RALB: variants seen among roughly 807,000 people sequenced by gnomAD.
RALB encodes ras-related protein Ral-B.
RALB carries 16 observed loss-of-function variants against 21.3 expected under a neutral mutation model. The ratio of observed to expected loss-of-function variants is 0.75; its 90% CI spans 0.51 to 1.14. RALB has a LOEUF of 1.14. Ranked by LOEUF, RALB falls within the 50% of genes most tolerant of loss-of-function variation. The pLI, the probability that RALB is intolerant of heterozygous loss-of-function variation, is 0.00. For missense variants in RALB, 161 were observed against 256.2 expected (o/e 0.63, Z 2.54); for synonymous variants, 93 against 96.1 (o/e 0.97, Z 0.19).
At chr2:120,283,143 T>G (rs78718757) in intron 2 of RALB, among the ~76,000 whole-genome samples, 12,127 of 152,296 alleles carry the variant, frequency 0.08, 646 homozygotes, top group Non-Finnish European at 0.12. Context: ...AGAGATCATC[T>G]AGTCAGGAAA....
upstream of RALB, among the ~76,000 whole-genome samples, chr2:120,251,975 GAATT>G (rs1689065452): frequency 6.6e-6 from 1 of 152,160 alleles, no homozygotes; most frequent in South Asian, 2.1e-4. Context: ...AACAATGAAA[GAATT>G]AATTACACTG....
intron 1 of RALB, among the ~76,000 whole-genome samples, chr2:120,247,149 C>A (rs371328080): frequency 6.6e-6 from 1 of 151,886 alleles, no homozygotes; most frequent in Non-Finnish European, 1.5e-5. Flanking sequence ...CATGCGTCTG[C>A]GGGAAGAGGG....
At chr2:120,259,970 C>T (rs1160467718) in intron 1 of RALB, among the ~76,000 whole-genome samples, 3 of 152,242 alleles carry the variant, frequency 2.0e-5, no homozygotes, top group South Asian at 2.1e-4. Flanking sequence ...GGACTCAGTA[C>T]ACCCTCCGCA....
chr2:120,261,688 G>A (rs1689371192), intron 1 of RALB, among the ~76,000 whole-genome samples: 1 of 152,208 alleles, frequency 6.6e-6, no homozygotes, highest in Admixed American at 6.5e-5. Flanking sequence ...GGGGAAGGGA[G>A]CAGGGAGATG....
chr2:120,286,309 A>C (rs1439738546), intron 3 of RALB, among the ~76,000 whole-genome samples: 1 of 152,194 alleles, frequency 6.6e-6, no homozygotes, highest in Non-Finnish European at 1.5e-5. Flanking sequence ...TTTCTGAATA[A>C]AATAATTTTA....
chr2:120,264,991 A>G (rs1339060729), intron 1 of RALB, among the ~76,000 whole-genome samples: 7 of 152,306 alleles, frequency 4.6e-5, no homozygotes. Context: ...TTATCTGTTT[A>G]TCTATTGATG....
At chr2:120,260,033 T>C (rs954104505) in intron 1 of RALB, among the ~76,000 whole-genome samples, 12 of 152,326 alleles carry the variant, frequency 7.9e-5, no homozygotes, top group African/African-American at 2.4e-4. Context: ...CAGGGCTGGC[T>C]GGCTGCTCCG....
chr2:120,255,311 G>T (rs960767857), intron 1 of RALB, among the ~76,000 whole-genome samples: 1 of 151,752 alleles, frequency 6.6e-6, no homozygotes, highest in Admixed American at 6.6e-5. Context: ...GAATGTTATC[G>T]CAAAGAGAGC....
upstream of RALB, among the ~76,000 whole-genome samples, chr2:120,252,600 G>A (rs1689077975): frequency 1.3e-5 from 2 of 152,208 alleles, no homozygotes; most frequent in South Asian, 2.1e-4. Context: ...TACCAGCTGC[G>A]TGTCCGAGGG....
chr2:120,284,545 T>C (rs927759908), intron 2 of RALB, among the ~76,000 whole-genome samples: 1 of 152,192 alleles, frequency 6.6e-6, no homozygotes, highest in Admixed American at 6.5e-5. Context: ...ATTACAGGTG[T>C]GCACCACCAT....
chr2:120,241,748 CA>C (rs1395797199), intron 1 of RALB, among the ~76,000 whole-genome samples: 1 of 151,820 alleles, frequency 6.6e-6, no homozygotes, highest in Non-Finnish European at 1.5e-5. Flanking sequence ...AAAAACAAAA[CA>C]AAACAAAAAA....
upstream of RALB, among the ~76,000 whole-genome samples, chr2:120,249,363 A>G (rs997894465): frequency 6.6e-5 from 10 of 152,296 alleles, no homozygotes; most frequent in Admixed American, 6.5e-4. Flanking sequence ...GCTATAAAGA[A>G]ATACCTGAGA....
chr2:120,286,152 TGA>T, intron 3 of RALB, 70 bp downstream of exon 3: 1 of 1,347,472 alleles, frequency 7.4e-7, no homozygotes, highest in Non-Finnish European at 1.1e-6. Context: ...CTTAGGCCTA[TGA>T]AGAATTTGGG....
upstream of RALB, chr2:120,252,648 T>C (rs576110952): frequency 7.1e-4 from 245 of 346,076 alleles, no homozygotes; most frequent in African/African-American, 5.1e-3. Flanking sequence ...GCAGGCGCGC[T>C]GGGCCCGCCC....
chr2:120,283,606 C>T (rs1011841923), intron 2 of RALB, among the ~76,000 whole-genome samples: 1 of 152,192 alleles, frequency 6.6e-6, no homozygotes, highest in African/African-American at 2.4e-5. Flanking sequence ...GCTCCTTATG[C>T]TCGGCCTAAC....
At chr2:120,292,949 T>C (rs1314069407) in intron 4 of RALB, among the ~76,000 whole-genome samples, 192 bp from the exon 5 acceptor site, 1 of 152,264 alleles carries the variant, frequency 6.6e-6, no homozygotes, top group Non-Finnish European at 1.5e-5. Flanking sequence ...AGAGCTATTG[T>C]TTCTGTTGAC....
intron 1 of RALB, among the ~76,000 whole-genome samples, chr2:120,266,220 G>C (rs1229451654): frequency 6.6e-6 from 1 of 152,160 alleles, no homozygotes; most frequent in Admixed American, 6.5e-5. Context: ...TTTGAGACCA[G>C]CCTGGACAAC....
chr2:120,252,881 T>C lies in RALB; in HGVS notation c.-147T>C. On this transcript the variant is annotated 5_prime_UTR_variant, in exon 1 of 5. Transcript: ENST00000272519. ...GCGAGCCCGGCAGCTCAATGACAAATCGGTGGAGGACGGCTGGGGTCCGGC... is the reference window on the plus strand; with the variant it reads ...GCGAGCCCGGCAGCTCAATGACAAACCGGTGGAGGACGGCTGGGGTCCGGC... 1 of 985,266 alleles carries C rather than the reference T, an allele frequency of 1.0e-6. No individual in the cohort carries two copies. Among genetic ancestry groups the C allele is most frequent in the Non-Finnish European group, 1.2e-6 (1 of 829,978 alleles). 61.0% of individuals were successfully genotyped at this position (985,266 alleles called of 1,614,324 possible). A position where few individuals can be genotyped will look rare whatever the true frequency, so the allele number is the denominator to read the frequency against.
intron 1 of RALB, among the ~76,000 whole-genome samples, chr2:120,268,070 A>G (rs962724856): frequency 6.6e-5 from 10 of 152,348 alleles, no homozygotes; most frequent in African/African-American, 1.4e-4. Context: ...GATTACAGGC[A>G]TGAGCCACTG....
Sources: allele counts gnomAD v4.1 joint callset (sites outside exome capture counted in the v4.1 genomes callset), GRCh38; gene constraint gnomAD v4.1.1; transcripts MANE v1.5; gene names NCBI Gene and HGNC (gene_info 2026-07-23, HGNC 2026-07-21).